The following MYMK variants were observed in gnomAD, a reference collection of about 807,000 sequenced individuals.
MYMK encodes myomaker, myoblast fusion factor, also known as protein myomaker.
In MYMK, 16 loss-of-function variants were observed where a neutral mutation model predicts 22.4. The observed-to-expected ratio is 0.72, with a 90% confidence interval of 0.48 to 1.09. The LOEUF (loss-of-function observed/expected upper bound fraction) is 1.09, where lower values mean the gene tolerates loss of function less well. Among genes scored for constraint, MYMK ranks in the 50% least tolerant of loss-of-function variants. The pLI is 0.00. For synonymous variants in MYMK, 125 were observed against 127.0 expected, an observed-to-expected ratio of 0.98 and a Z score of 0.11; for missense variants, 250 against 295.6, an observed-to-expected ratio of 0.85 and a Z score of 1.13.
chr9:133,521,499 C>T (rs57462649), intron 1 of MYMK, among the ~76,000 whole-genome samples: 4,516 of 152,172 alleles, frequency 0.03, 221 homozygotes, highest in African/African-American at 0.1. Flanking sequence ...CCTAAAGTGA[C>T]GGTGCACCTA....
Position 133,515,535 on chromosome 9 carries a change from G to T in MYMK, c.472C>A (p.Leu158Ile). The T allele has an allele frequency of 6.2e-7, 1 of 1,613,984 alleles. No individual in the cohort carries two copies. The highest frequency in any genetic ancestry group is 8.5e-7 in the Non-Finnish European group (1 of 1,179,822). Residue 158 changes from leucine (L) to isoleucine (I), a missense_variant, in exon 4 of 5, where the codon CTC becomes ATC. Leu to Ile is a conservative substitution (Grantham distance 5, BLOSUM62 2). Coordinates refer to ENST00000339996, the MANE Select transcript of MYMK (RefSeq NM_001080483.3). This position sits in a 1 kb window ranked among gnomAD's most constrained non-coding sequence, Gnocchi z 5.8. ...ATCAGGGCCAGCGCCCCGAAGCAGA[G>T]GCCGGGGCCTATCTGCTGGGTGTAG... ...SVYTQQIGPG[L>I]CFGALALMLR...
intron 1 of MYMK, among the ~76,000 whole-genome samples, chr9:133,522,245 G>A (rs775526558): frequency 7.2e-5 from 11 of 152,226 alleles, no homozygotes; most frequent in Non-Finnish European, 1.6e-4. Context: ...CGGGGCACTG[G>A]TGGGGTGGGT....
rs754955056 is a variant in MYMK at position 133,520,265 on chromosome 9, G to A, written c.159C>T (p.Pro53=). The A allele has an allele frequency of 5.4e-5, 87 of 1,614,006 alleles. No individual in the cohort carries two copies. Among genetic ancestry groups the A allele is most frequent in the South Asian group, 2.4e-4 (22 of 91,080 alleles). The change falls in exon 2 of 5, where the codon CCC becomes CCT. Residue 53 remains proline (P), a synonymous_variant. Coordinates refer to ENST00000339996, the MANE Select transcript of MYMK (RefSeq NM_001080483.3). ...GCATGAAGCACAGCACAGACAAGCC[G>A]GGTCCATTGCAGGCATGGTGGAGCT... ...FVALHHACNG[P]GLSVLCFMRH...
intron 3 of MYMK, among the ~76,000 whole-genome samples, chr9:133,518,469 G>A (rs190687619): frequency 3.9e-5 from 6 of 152,366 alleles, no homozygotes; most frequent in Non-Finnish European, 5.9e-5. Context: ...TAGTAAGAGC[G>A]GTGATGAGAG....
chr9:133,524,660 A>G (rs1197777317), intron 1 of MYMK, 50 bp downstream of exon 1: 9 of 1,613,362 alleles, frequency 5.6e-6, no homozygotes, highest in Non-Finnish European at 7.6e-6. Context: ...CCTCTCCTCT[A>G]CCTCCAGGAT....
chr9:133,519,509 G>A lies in MYMK; in HGVS notation c.251-487C>T, dbSNP rs1023133564. ...TGTGAGTTCGAGGCTGCAGTGAGCC[G>A]TGTTTGTGCCACTGTACTCTGGCCT... On this transcript the variant is annotated intron_variant, in intron 2 of 4. Transcript: ENST00000339996. Among the ~76,000 whole-genome samples the A allele has an allele frequency of 5.3e-5, 8 of 152,274 alleles. No homozygotes were observed. In the East Asian group the frequency reaches 7.7e-4, roughly 15 times the overall value.
At chr9:133,517,982 A>G (rs1844652000) in intron 3 of MYMK, among the ~76,000 whole-genome samples, 1 of 152,102 alleles carries the variant, frequency 6.6e-6, no homozygotes, top group African/African-American at 2.4e-5. Flanking sequence ...CTTGAAACTG[A>G]CCCTGAGACT....
chr9:133,521,808 C>T (rs1466939661), intron 1 of MYMK, among the ~76,000 whole-genome samples: 10 of 152,190 alleles, frequency 6.6e-5, no homozygotes, highest in Admixed American at 5.9e-4. Flanking sequence ...TTCTTCCCAT[C>T]CCCCACCCCA....
At chr9:133,521,113 C>T (rs1345560285) in intron 1 of MYMK, among the ~76,000 whole-genome samples, 7 of 152,118 alleles carry the variant, frequency 4.6e-5, no homozygotes, top group Admixed American at 2.0e-4. Context: ...ATACTCTCGT[C>T]GTCGCCTCCC....
chr9:133,516,809 T>C (rs1192764235), intron 3 of MYMK, among the ~76,000 whole-genome samples: 1 of 152,080 alleles, frequency 6.6e-6, no homozygotes, highest in Non-Finnish European at 1.5e-5. Context: ...GGCCTGGCAC[T>C]ATTGAAAGGG....
intron 1 of MYMK, among the ~76,000 whole-genome samples, chr9:133,522,697 C>T (rs1844715498): frequency 6.6e-6 from 1 of 152,208 alleles, no homozygotes. Flanking sequence ...GAGAACAAGA[C>T]CTCAGCTTTT....
In MYMK at chr9:133,519,129, TC is replaced by T. The variant is rs1588265715; in HGVS notation, c.251-108del. On this transcript the variant is annotated intron_variant, in intron 2 of 4. Coordinates refer to ENST00000339996, the MANE Select transcript of MYMK (RefSeq NM_001080483.3). ...GGAGGCATCCTGTAGATGCCCTCTC[TC>T]GGTGTCCCCTCAGCCAGCGAGACCC... The T allele has an allele frequency of 1.3e-5, 18 of 1,380,002 alleles. No homozygotes were observed. In the East Asian group the frequency reaches 4.3e-4, roughly 33 times the overall value. 85.5% of individuals were successfully genotyped at this position (1,380,002 alleles called of 1,614,324 possible).
chr9:133,522,141 C>T (rs372599981), intron 1 of MYMK, among the ~76,000 whole-genome samples: 7 of 152,258 alleles, frequency 4.6e-5, no homozygotes, highest in African/African-American at 1.7e-4. Flanking sequence ...AACTTCAGAG[C>T]AGCACTGCCT....
Position 133,514,734 on chromosome 9 carries a change from A to T in MYMK, c.568T>A (p.Ser190Thr). 1 of 1,614,070 alleles carries T rather than the reference A, an allele frequency of 6.2e-7. No individual in the cohort carries two copies. Residue 190 changes from serine to threonine, a missense_variant, in exon 5 of 5, where the codon TCC becomes ACC. Transcript: ENST00000339996. ...ACCTTGGGCAGCAGCAGAACAAAGG[A>T]CATAGCCAGGGCACAGTGGTAGAAG... ...HSFYHCALAM[S>T]FVLLLPKVNK...
rs9802285 is a variant in MYMK at position 133,514,993 on chromosome 9, A to C, written c.517-208T>G. The stretch of plus-strand genomic sequence containing the variant: ...GGGCCTGTGCCATCCTCCAGGCTGC[A>C]CTCCTTCCTTCTTCCCCATCCCCTC... On this transcript the variant is annotated intron_variant, in intron 4 of 4. Transcript: ENST00000339996. Among the ~76,000 whole-genome samples, 53,851 of 150,848 alleles carry C rather than the reference A, an allele frequency of 0.36. 10,338 individuals are homozygous for C. Among genetic ancestry groups the C allele is most frequent in the East Asian group, 0.63 (3,252 of 5,122 alleles).
chr9:133,522,488 C>T (rs1844713551), intron 1 of MYMK, among the ~76,000 whole-genome samples: 1 of 152,176 alleles, frequency 6.6e-6, no homozygotes, highest in African/African-American at 2.4e-5. Context: ...GGTGGCAGAA[C>T]TTTGGGAGGG....
At chr9:133,521,853 G>A (rs1844706309) in intron 1 of MYMK, among the ~76,000 whole-genome samples, 1 of 152,228 alleles carries the variant, frequency 6.6e-6, no homozygotes, top group African/African-American at 2.4e-5. Context: ...CCTCAATGTA[G>A]CACAGATGGT....
intron 3 of MYMK, among the ~76,000 whole-genome samples, chr9:133,517,545 A>G (rs922867542): frequency 1.3e-5 from 2 of 152,134 alleles, no homozygotes; most frequent in African/African-American, 4.8e-5. Flanking sequence ...ATGCGCCTAT[A>G]ATCCCAGCTA....
At position 133,515,681 on chromosome 9, in the gene MYMK, A is replaced by G. The variant is rs1384243382; in HGVS notation, c.400-74T>C. On this transcript the variant is annotated intron_variant, in intron 3 of 4. Transcript: ENST00000339996. This position sits in a 1 kb window ranked among gnomAD's most constrained non-coding sequence, Gnocchi z 5.8. Reference sequence around the variant, plus strand: ...GAACGCCCCTCCCCAAACCAGCCCGAGAGCTGGCCCTGCACAGGCTCACCC... The same window carrying G: ...GAACGCCCCTCCCCAAACCAGCCCGGGAGCTGGCCCTGCACAGGCTCACCC... 1.0e-6 allele frequency: 1 copy of G among 1,004,376 alleles called. No individual in the cohort carries two copies. The highest frequency in any genetic ancestry group is 1.6e-5 in the African/African-American group (1 of 62,998). 62.2% of individuals were successfully genotyped at this position (1,004,376 alleles called of 1,614,324 possible).
Sources: allele counts gnomAD v4.1 joint callset (sites outside exome capture counted in the v4.1 genomes callset), GRCh38; gene constraint gnomAD v4.1.1; non-coding constraint Gnocchi (gnomAD v3.1); transcripts MANE v1.5; gene names NCBI Gene and HGNC (gene_info 2026-07-23, HGNC 2026-07-21).